The following C2orf76 variants were observed in gnomAD, a reference collection of about 807,000 sequenced individuals.
C2orf76 encodes UPF0538 protein C2orf76.
C2orf76 carries 23 observed loss-of-function variants against 16.9 expected under a neutral mutation model. The ratio of observed to expected loss-of-function variants is 1.36; its 90% CI spans 0.98 to 1.93. C2orf76 has a LOEUF of 1.93. Ranked by LOEUF, C2orf76 falls within the 30% of genes most tolerant of loss-of-function variation. The pLI is 0.00. For missense variants in C2orf76, 152 were observed against 152.6 expected, an observed-to-expected ratio of 1.00 and a Z score of 0.02; for synonymous variants, 48 against 52.3, an observed-to-expected ratio of 0.92 and a Z score of 0.35.
chr2:119,323,016 T>C (rs1017148013), intron 2 of C2orf76, among the ~76,000 whole-genome samples: 2 of 152,054 alleles, frequency 1.3e-5, no homozygotes, highest in African/African-American at 2.4e-5. Flanking sequence ...GTATCTAAAT[T>C]AGGAAATGTG....
chr2:119,294,028 G>A, the C2orf76 span, among the ~76,000 whole-genome samples: 1 of 152,134 alleles, frequency 6.6e-6, no homozygotes, highest in African/African-American at 2.4e-5. Flanking sequence ...GCAGCATTTA[G>A]TTGTTATTTA....
chr2:119,297,725 T>TGA (rs1295120042), downstream of C2orf76, among the ~76,000 whole-genome samples: 1 of 152,174 alleles, frequency 6.6e-6, no homozygotes, highest in East Asian at 1.9e-4. Context: ...CTCAAACTCG[T>TGA]GAGCTCAAAT....
chr2:119,282,747 G>C, the C2orf76 span, among the ~76,000 whole-genome samples: 5 of 152,192 alleles, frequency 3.3e-5, no homozygotes, highest in Non-Finnish European at 5.9e-5. Context: ...TCAACACACA[G>C]TTCTGCATAA....
Position 119,302,511 on chromosome 2 carries a change from ATCT to A in C2orf76, c.339_341del (p.Glu113del), listed in dbSNP as rs1678646807. The A allele has an allele frequency of 6.6e-6, 10 of 1,514,956 alleles. No individual in the cohort carries two copies. The highest frequency in any genetic ancestry group is 1.4e-5 in the African/African-American group (1 of 71,286). The allele number at this position is 1,514,956 out of a possible 1,614,324, so 93.8% of individuals were successfully genotyped here. A position where few individuals can be genotyped will look rare whatever the true frequency, so the allele number is the denominator to read the frequency against. On this transcript the variant is annotated inframe_deletion, in exon 6 of 6. Coordinates refer to ENST00000334816, the MANE Select transcript of C2orf76 (RefSeq NM_001322331.2). ...TGGGATTAGCTTTGTAGTTCTTATA[ATCT>A]TCTTCACAGAAGAATGCAATTTCAG...
At chr2:119,323,763 G>A (rs1400164503) in intron 2 of C2orf76, among the ~76,000 whole-genome samples, 8 of 152,200 alleles carry the variant, frequency 5.3e-5, no homozygotes, top group South Asian at 2.1e-4. Flanking sequence ...GAGAGCATGC[G>A]CCCATCAAAG....
intron 5 of C2orf76, chr2:119,311,313 A>T: frequency 1.0e-6 from 1 of 985,442 alleles, no homozygotes; most frequent in Non-Finnish European, 1.2e-6. Context: ...TCAAGTGACA[A>T]TGATAAGAGT....
intron 2 of C2orf76, among the ~76,000 whole-genome samples, chr2:119,329,843 AT>A (rs958364738): frequency 5.3e-5 from 8 of 151,810 alleles, no homozygotes; most frequent in Admixed American, 2.0e-4. Context: ...ATGGTCAAAT[AT>A]TTTTTTTAAT....
At chr2:119,332,461 T>G (rs1012075704) in intron 2 of C2orf76, among the ~76,000 whole-genome samples, 1 of 152,174 alleles carries the variant, frequency 6.6e-6, no homozygotes, top group Non-Finnish European at 1.5e-5. Context: ...TAATCTAAAT[T>G]ATAGAAAAGC....
chr2:119,339,781 T>C, intron 2 of C2orf76, 46 bp downstream of exon 2: 1 of 1,529,002 alleles, frequency 6.5e-7, no homozygotes, highest in Non-Finnish European at 9.0e-7. Flanking sequence ...TAGTCAGCTA[T>C]TTTTAAAAAC....
intron 3 of C2orf76, among the ~76,000 whole-genome samples, chr2:119,319,253 A>G (rs758456694): frequency 6.6e-6 from 1 of 152,186 alleles, no homozygotes; most frequent in African/African-American, 2.4e-5. Context: ...TACATATTTT[A>G]GCAGAAAAAG....
chr2:119,334,044 C>A (rs2104590797), intron 2 of C2orf76, among the ~76,000 whole-genome samples: 1 of 152,132 alleles, frequency 6.6e-6, no homozygotes, highest in South Asian at 2.1e-4. Flanking sequence ...TTTCCTACCT[C>A]CACCTTCCAA....
intron 1 of C2orf76, among the ~76,000 whole-genome samples, chr2:119,357,926 C>T (rs1284148806): frequency 6.6e-6 from 1 of 152,090 alleles, no homozygotes; most frequent in Admixed American, 6.5e-5. Flanking sequence ...ACTATATTTC[C>T]AAATAGTAGC....
the C2orf76 span, among the ~76,000 whole-genome samples, chr2:119,287,813 T>C: frequency 6.6e-6 from 1 of 152,236 alleles, no homozygotes; most frequent in Non-Finnish European, 1.5e-5. Flanking sequence ...AAAATGGCAT[T>C]GTTCTTACTT....
chr2:119,354,095 T>C (rs1680490415), intron 1 of C2orf76, among the ~76,000 whole-genome samples: 1 of 152,218 alleles, frequency 6.6e-6, no homozygotes, highest in African/African-American at 2.4e-5. Context: ...CTACAACTTA[T>C]ATATGTATTG....
At chr2:119,307,300 C>T (rs1194741075) in intron 5 of C2orf76, among the ~76,000 whole-genome samples, 2 of 151,902 alleles carry the variant, frequency 1.3e-5, no homozygotes, top group Non-Finnish European at 2.9e-5. Context: ...ATTAGCTGGG[C>T]GTGGTGGCAC....
chr2:119,334,937 T>C (rs1248428258), intron 2 of C2orf76, among the ~76,000 whole-genome samples: 1 of 152,114 alleles, frequency 6.6e-6, no homozygotes, highest in Non-Finnish European at 1.5e-5. Flanking sequence ...TTGCTTCCCA[T>C]GGGGATACAC....
At chr2:119,321,108 C>A (rs768427505) in intron 3 of C2orf76, 46 bp downstream of exon 3, 3 of 1,007,972 alleles carry the variant, frequency 3.0e-6, no homozygotes, top group Non-Finnish European at 4.2e-6. Flanking sequence ...CAAACTAATG[C>A]AAAATTGTAT....
chr2:119,353,237 G>C (rs950318899), intron 1 of C2orf76, among the ~76,000 whole-genome samples: 3 of 152,114 alleles, frequency 2.0e-5, no homozygotes, highest in African/African-American at 4.8e-5. Context: ...TTCTTAAAAA[G>C]ATGGAACACC....
intron 1 of C2orf76, chr2:119,366,365 G>A: frequency 2.1e-6 from 1 of 465,900 alleles, no homozygotes; most frequent in Non-Finnish European, 4.4e-6. Context: ...ACCAGATGGA[G>A]AAATGCACCA....
Sources: allele counts gnomAD v4.1 joint callset (sites outside exome capture counted in the v4.1 genomes callset), GRCh38; gene constraint gnomAD v4.1.1; transcripts MANE v1.5; gene names NCBI Gene and HGNC (gene_info 2026-07-23, HGNC 2026-07-21).